PTPRE: variants seen among roughly 807,000 people sequenced by gnomAD.
PTPRE encodes the protein receptor-type tyrosine-protein phosphatase epsilon.
In PTPRE, 51 loss-of-function variants were observed where a neutral mutation model predicts 102.0. That is an observed-to-expected ratio of 0.50 (90% CI 0.40 to 0.63). The LOEUF is 0.63. Among genes scored for constraint, PTPRE ranks in the 30% least tolerant of loss-of-function variants. PTPRE has a pLI of 0.00. For synonymous variants in PTPRE, 345 were observed against 348.2 expected (o/e 0.99, Z 0.10); for missense variants, 752 against 915.1 (o/e 0.82, Z 2.30).
chr10:127,909,628 A>G (rs1246642282), intron 1 of PTPRE, among the ~76,000 whole-genome samples: 1 of 152,020 alleles, frequency 6.6e-6, no homozygotes, highest in Non-Finnish European at 1.5e-5. Flanking sequence ...TATCCATCCA[A>G]TTCCACCAGC....
At chr10:127,919,362 C>A (rs534913721) in intron 1 of PTPRE, among the ~76,000 whole-genome samples, 1 of 152,300 alleles carries the variant, frequency 6.6e-6, no homozygotes, top group Non-Finnish European at 1.5e-5. Flanking sequence ...AGAAGTTTGG[C>A]GAACAATTCC....
chr10:128,061,091 G>C, intron 8 of PTPRE, 76 bp downstream of exon 8: 8 of 1,441,824 alleles, frequency 5.5e-6, no homozygotes, highest in Non-Finnish European at 6.8e-6. Flanking sequence ...TCTGGTGCCC[G>C]GAGTGTAAAT....
intron 2 of PTPRE, among the ~76,000 whole-genome samples, chr10:128,017,351 A>G (rs1466465604): frequency 3.3e-5 from 5 of 152,154 alleles, no homozygotes; most frequent in African/African-American, 1.2e-4. Context: ...TGGATGGGCC[A>G]GTGTGCACAT....
intron 2 of PTPRE, among the ~76,000 whole-genome samples, chr10:128,024,826 A>G (rs921380357): frequency 1.3e-5 from 2 of 152,218 alleles, no homozygotes; most frequent in South Asian, 4.1e-4. Context: ...AGTTTGGTGT[A>G]TAATCCACAG....
rs556663952 is a variant in PTPRE, at chr10:127,968,838, A to G, written c.-30-13436A>G. Among the ~76,000 whole-genome samples, 4 of 152,320 alleles carry G rather than the reference A, an allele frequency of 2.6e-5. No homozygotes were observed. The East Asian group carries it at 7.7e-4, about 29-fold the overall frequency. On this transcript the variant is annotated intron_variant, in intron 1 of 20. Transcript: ENST00000254667. ...AAATGCCAGCTCCCTTTCCCTGGAG[A>G]TAAGAAGTGATTGTGATTGTGCGTT...
intron 7 of PTPRE, among the ~76,000 whole-genome samples, chr10:128,058,548 G>T (rs1172997891): frequency 2.6e-5 from 4 of 152,212 alleles, no homozygotes; most frequent in African/African-American, 9.7e-5. Context: ...CAGAATGGTG[G>T]CATGGAGACG....
chr10:128,073,263 C>T, intron 16 of PTPRE, 74 bp from the exon 17 acceptor site: 2 of 1,588,376 alleles, frequency 1.3e-6, no homozygotes, highest in East Asian at 2.2e-5. Flanking sequence ...TTAGGCTGTC[C>T]TAAACTTAGG....
chr10:127,956,121 A>C (rs1490817311), intron 1 of PTPRE, among the ~76,000 whole-genome samples: 1 of 152,206 alleles, frequency 6.6e-6, no homozygotes, highest in African/African-American at 2.4e-5. Flanking sequence ...TTATTATCTT[A>C]TCTGGAAATT....
chr10:127,949,951 G>A (rs1448929320), intron 1 of PTPRE, among the ~76,000 whole-genome samples: 1 of 152,022 alleles, frequency 6.6e-6, no homozygotes, highest in Non-Finnish European at 1.5e-5. Context: ...TCTGCCTGAG[G>A]GGATTAACTC....
At chr10:128,004,016 C>A (rs1854254749) in intron 2 of PTPRE, among the ~76,000 whole-genome samples, 1 of 151,730 alleles carries the variant, frequency 6.6e-6, no homozygotes, top group Admixed American at 6.6e-5. Context: ...TGAGTGGGTG[C>A]CTCAGTTTCC....
chr10:128,061,676 TAG>T lies in PTPRE; in HGVS notation c.589-2_589-1del. On this transcript the variant is annotated splice_acceptor_variant, in intron 8 of 20. Coordinates refer to ENST00000254667, the MANE Select transcript of PTPRE (RefSeq NM_006504.6). LOFTEE classifies it high-confidence loss of function. The stretch of plus-strand genomic sequence containing the variant: ...AATATAAATCTGATGTTATTTTTTC[TAG>T]GGTTACAAAGAGAAGAATAAATTCA... 6.3e-7 allele frequency: 1 copy of T among 1,580,540 alleles called. No individual in the cohort carries two copies. Among genetic ancestry groups the T allele is most frequent in the Non-Finnish European group, 8.6e-7 (1 of 1,166,270 alleles).
chr10:128,040,809 C>G, intron 2 of PTPRE, 66 bp from the exon 3 acceptor site: 2 of 1,263,348 alleles, frequency 1.6e-6, no homozygotes, highest in Admixed American at 3.7e-5. Context: ...ATCATCACTG[C>G]CTGGCACCGG....
chr10:128,055,481 TG>T (rs1848874031), intron 6 of PTPRE, among the ~76,000 whole-genome samples: 1 of 152,130 alleles, frequency 6.6e-6, no homozygotes, highest in Non-Finnish European at 1.5e-5. Flanking sequence ...ACTGAAGCCC[TG>T]GGGATCATGG....
chr10:127,981,474 A>G (rs1851607882), intron 1 of PTPRE, among the ~76,000 whole-genome samples: 1 of 152,028 alleles, frequency 6.6e-6, no homozygotes, highest in East Asian at 1.9e-4. Flanking sequence ...TATGAAAATT[A>G]TGTCTCAATA....
chr10:128,021,812 G>C (rs933196452), intron 2 of PTPRE, among the ~76,000 whole-genome samples: 10 of 152,214 alleles, frequency 6.6e-5, no homozygotes, highest in Admixed American at 3.3e-4. Context: ...GCAGTTCTAA[G>C]TTTCTTGCTG....
intron 2 of PTPRE, among the ~76,000 whole-genome samples, chr10:127,984,078 C>CTTTTT (rs58130253): frequency 8.8e-5 from 11 of 125,386 alleles, no homozygotes; most frequent in East Asian, 2.3e-4. Context: ...TTCTTTCTTT[C>CTTTTT]TTTTTTTTTT....
chr10:127,964,876 C>T (rs955867924), intron 1 of PTPRE: 12 of 392,868 alleles, frequency 3.1e-5, no homozygotes, highest in Admixed American at 6.3e-5. Context: ...AGCTCATCAG[C>T]GGGCTCCTGG....
chr10:128,022,504 C>T (rs1033092807), intron 2 of PTPRE, among the ~76,000 whole-genome samples: 1 of 152,212 alleles, frequency 6.6e-6, no homozygotes, highest in Non-Finnish European at 1.5e-5. Flanking sequence ...CCCGTGCTGA[C>T]TCCCCCAGTG....
intron 1 of PTPRE, among the ~76,000 whole-genome samples, chr10:127,922,970 T>C (rs372887128): frequency 1.3e-5 from 2 of 152,046 alleles, no homozygotes; most frequent in African/African-American, 4.8e-5. Context: ...TCAGCATTGG[T>C]GGAGGGACTG....
Sources: gnomAD v4.1 joint callset for allele counts (sites outside exome capture counted in the v4.1 genomes callset) on GRCh38, gnomAD v4.1.1 for gene constraint, MANE v1.5 for transcripts, NCBI Gene and HGNC (gene_info 2026-07-23, HGNC 2026-07-21) for gene names.